Variants in CFAP300 observed in about 807,000 individuals in gnomAD.
The protein encoded by CFAP300 is cilia- and flagella-associated protein 300.
Under a neutral mutation model 33.0 loss-of-function variants are expected in CFAP300, and 32 were observed. That is an observed-to-expected ratio of 0.97 (90% confidence interval 0.73 to 1.30). The LOEUF (loss-of-function observed/expected upper bound fraction) is 1.30. Among genes scored for constraint, CFAP300 ranks in the 50% most tolerant of loss-of-function variants. The pLI is 0.00. For synonymous variants in CFAP300, 102 were observed against 106.8 expected (o/e 0.95, Z 0.28); for missense variants, 356 against 318.1 (o/e 1.12, Z -0.90).
intron 6 of CFAP300, among the ~76,000 whole-genome samples, chr11:102,082,237 G>A (rs1391932405): frequency 1.3e-5 from 2 of 151,818 alleles, no homozygotes. Flanking sequence ...TTAGCCGGGT[G>A]TGGTGGGAGA....
chr11:102,065,152 G>C (rs1288591898), intron 3 of CFAP300, among the ~76,000 whole-genome samples: 1 of 152,076 alleles, frequency 6.6e-6, no homozygotes, highest in Non-Finnish European at 1.5e-5. Flanking sequence ...GGTCACCCAG[G>C]CTGGAGTGCA....
At position 102,081,138 on chromosome 11, in the gene CFAP300, AC is replaced by A. The variant is rs1942467439; in HGVS notation, c.609-76del. The A allele has an allele frequency of 2.8e-6, 3 of 1,058,224 alleles. No homozygotes were observed. The South Asian group carries it at 4.7e-5, about 17-fold the overall frequency. 65.6% of individuals were successfully genotyped at this position (1,058,224 alleles called of 1,614,324 possible). A position where few individuals can be genotyped will look rare whatever the true frequency, so the allele number is the denominator to read the frequency against. ...TCTATATGAATAAGAACACTTAAAT[AC>A]TAAAAGGGATCATTACTTAAATGTA... On this transcript the variant is annotated intron_variant, in intron 5 of 6. Transcript: ENST00000434758.
At chr11:102,058,986 ATT>A in intron 3 of CFAP300, 31 bp downstream of exon 3, 1 of 1,320,006 alleles carries the variant, frequency 7.6e-7, no homozygotes. Flanking sequence ...TTCAGATACT[ATT>A]TTACTATTAT....
In CFAP300 at chr11:102,047,912, G is replaced by A. The variant is rs530889034; in HGVS notation, c.192+16G>A. The A allele has an allele frequency of 6.8e-6, 11 of 1,612,894 alleles. No individual in the cohort carries two copies. The highest frequency in any genetic ancestry group is 1.7e-5 in the Admixed American group (1 of 59,934). On this transcript the variant is annotated intron_variant, in intron 2 of 6. Coordinates refer to ENST00000434758, the MANE Select transcript of CFAP300 (RefSeq NM_032930.3). The stretch of plus-strand genomic sequence containing the variant: ...TTTCGTTATGGTTAGTATGGGGGTC[G>A]GAGAGTTCCCTGGGTCTCTGCGGAT...
chr11:102,055,626 G>A (rs1942041837), intron 2 of CFAP300, among the ~76,000 whole-genome samples: 1 of 150,990 alleles, frequency 6.6e-6, no homozygotes, highest in South Asian at 2.1e-4. Flanking sequence ...GGGACCATAG[G>A]CGTGAGGCAC....
chr11:102,054,575 A>T (rs1942021276), intron 2 of CFAP300, among the ~76,000 whole-genome samples: 1 of 152,002 alleles, frequency 6.6e-6, no homozygotes, highest in Admixed American at 6.6e-5. Context: ...TTAAAAATAC[A>T]AAAATTAGCT....
At chr11:102,051,305 A>G (rs1239389594) in intron 2 of CFAP300, among the ~76,000 whole-genome samples, 2 of 152,224 alleles carry the variant, frequency 1.3e-5, no homozygotes. Flanking sequence ...CATCTTCACC[A>G]TGGGACTGGG....
At chr11:102,057,795 T>C (rs924570842) in intron 2 of CFAP300, 1 of 152,334 alleles carries the variant, frequency 6.6e-6, no homozygotes, top group Non-Finnish European at 1.5e-5. Flanking sequence ...CAGAGACCAC[T>C]TTCAGGCCAG....
chr11:102,057,931 C>G (rs763502205), intron 2 of CFAP300: 1 of 152,142 alleles, frequency 6.6e-6, no homozygotes, highest in African/African-American at 2.4e-5. Context: ...TATGGCCATA[C>G]CATCCTCGAT....
intron 3 of CFAP300, among the ~76,000 whole-genome samples, chr11:102,064,040 C>G (rs1218962466): frequency 6.6e-6 from 1 of 152,132 alleles, no homozygotes; most frequent in South Asian, 2.1e-4. Context: ...ACTACCATCA[C>G]GTTGAGGGTT....
chr11:102,077,603 C>T (rs1942415760), intron 5 of CFAP300, among the ~76,000 whole-genome samples: 1 of 152,096 alleles, frequency 6.6e-6, no homozygotes, highest in Non-Finnish European at 1.5e-5. Flanking sequence ...GGAGTCTCAC[C>T]GTGTCACCCA....
intron 4 of CFAP300, among the ~76,000 whole-genome samples, chr11:102,069,356 T>A (rs556253906): frequency 6.6e-6 from 1 of 152,352 alleles, no homozygotes; most frequent in East Asian, 1.9e-4. Flanking sequence ...TAAGTACTAA[T>A]AACCACTTTC....
intron 1 of CFAP300, 47 bp from the exon 2 acceptor site, chr11:102,047,766 TGA>T: frequency 6.3e-7 from 1 of 1,597,570 alleles, no homozygotes; most frequent in Non-Finnish European, 8.6e-7. Context: ...CGGTGCGCTC[TGA>T]GAGGGTGCCA....
Position 102,084,352 on chromosome 11 carries a change from A to G in CFAP300, c.*1153A>G, listed in dbSNP as rs929057053. 1 of 152,224 alleles carries G rather than the reference A, an allele frequency of 6.6e-6. No homozygotes were observed. Among genetic ancestry groups the G allele is most frequent in the African/African-American group, 2.4e-5 (1 of 41,450 alleles). 9.4% of individuals were successfully genotyped at this position (152,224 alleles called of 1,614,324 possible). A position where few individuals can be genotyped will look rare whatever the true frequency, so the allele number is the denominator to read the frequency against. On this transcript the variant is annotated 3_prime_UTR_variant, in exon 7 of 7. Coordinates refer to ENST00000434758, the MANE Select transcript of CFAP300 (RefSeq NM_032930.3). ...GTTTCTGTGTTGTGGGATAAAGACG[A>G]TAATCTTGGACTTGAACCTGGATTT...
At chr11:102,060,659 A>G (rs549328405) in intron 3 of CFAP300, among the ~76,000 whole-genome samples, 36 of 152,308 alleles carry the variant, frequency 2.4e-4, no homozygotes, top group African/African-American at 8.7e-4. Flanking sequence ...GCAACGTTCC[A>G]TTTAGAAGGA....
intron 4 of CFAP300, among the ~76,000 whole-genome samples, chr11:102,071,196 T>A (rs1365460634): frequency 6.6e-6 from 1 of 152,228 alleles, no homozygotes; most frequent in Non-Finnish European, 1.5e-5. Context: ...AATATTTGCT[T>A]TATATATTTA....
intron 2 of CFAP300, among the ~76,000 whole-genome samples, chr11:102,051,514 T>C (rs748013250): frequency 6.6e-6 from 1 of 152,044 alleles, no homozygotes; most frequent in Admixed American, 6.6e-5. Context: ...CAAATAAAAA[T>C]GGGATTCCTT....
rs112834123 is a variant in CFAP300 at position 102,066,389 on chromosome 11, T to G, written c.269-96T>G. On this transcript the variant is annotated intron_variant, in intron 3 of 6. Coordinates refer to ENST00000434758, the MANE Select transcript of CFAP300 (RefSeq NM_032930.3). ...TATCAAAAATGTCATATTTGTTAAC[T>G]TCTTAGAATTTCTGCATAGCGATTT... 33 of 750,490 alleles carry G rather than the reference T, an allele frequency of 4.4e-5. No individual in the cohort carries two copies. The African/African-American group carries it at 5.6e-4, about 13-fold the overall frequency. The allele number at this position is 750,490 out of a possible 1,614,324, so 46.5% of individuals were successfully genotyped here. A position where few individuals can be genotyped will look rare whatever the true frequency, so the allele number is the denominator to read the frequency against.
intron 2 of CFAP300, among the ~76,000 whole-genome samples, chr11:102,055,725 T>C (rs1376748710): frequency 7.1e-6 from 1 of 140,754 alleles, no homozygotes; most frequent in African/African-American, 2.7e-5. Context: ...CAGGCTGGAG[T>C]GCAGTGGCAC....
Sources: allele counts gnomAD v4.1 joint callset (sites outside exome capture counted in the v4.1 genomes callset), GRCh38; gene constraint gnomAD v4.1.1; transcripts MANE v1.5; gene names NCBI Gene and HGNC (gene_info 2026-07-23, HGNC 2026-07-21).